Variants in NPSR1 observed in about 807,000 individuals in gnomAD.
The protein encoded by NPSR1 is neuropeptide S receptor 1, also known as neuropeptide S receptor.
In NPSR1, 48 loss-of-function variants were observed where a neutral mutation model predicts 46.9. The observed-to-expected ratio is 1.02, with a 90% confidence interval of 0.81 to 1.30. The LOEUF (loss-of-function observed/expected upper bound fraction) is 1.30, where lower values mean the gene tolerates loss of function less well. NPSR1 is among the 50% of genes most tolerant of loss of function. The pLI is 0.00. For missense variants in NPSR1, 450 were observed against 449.5 expected (o/e 1.00, Z -0.01); for synonymous variants, 176 against 168.1 (o/e 1.05, Z -0.36).
At chr7:34,662,184 T>A (rs1005605027) in intron 1 of NPSR1, among the ~76,000 whole-genome samples, 1 of 152,190 alleles carries the variant, frequency 6.6e-6, no homozygotes, top group Non-Finnish European at 1.5e-5. Flanking sequence ...AAATATCACC[T>A]AATAACAATC....
At chr7:34,790,829 ATG>A (rs2128742863) in intron 3 of NPSR1, among the ~76,000 whole-genome samples, 1 of 134,032 alleles carries the variant, frequency 7.5e-6, no homozygotes, top group East Asian at 2.1e-4. Flanking sequence ...TATAGGTTAT[ATG>A]TTATGTTATA....
chr7:34,848,728 G>GAGAAACCCACATGT, intron 8 of NPSR1, 65 bp downstream of exon 8: 1 of 1,449,222 alleles, frequency 6.9e-7, no homozygotes, highest in Non-Finnish European at 9.5e-7. Flanking sequence ...CTGCCAACAT[G>GAGAAACCCACATGT]TGGGTTTCTC....
chr7:34,693,621 A>AAT (rs1191447363), intron 2 of NPSR1, among the ~76,000 whole-genome samples: 4 of 152,186 alleles, frequency 2.6e-5, no homozygotes, highest in African/African-American at 9.6e-5. Context: ...AATGTGAAGC[A>AAT]ATTCCTAACT....
intron 1 of NPSR1, among the ~76,000 whole-genome samples, chr7:34,662,920 T>A (rs1791528054): frequency 6.6e-6 from 1 of 152,182 alleles, no homozygotes; most frequent in African/African-American, 2.4e-5. Context: ...GCAGGAAGCA[T>A]AATCTTAGCT....
At chr7:34,663,461 TC>T (rs1791576543) in intron 1 of NPSR1, among the ~76,000 whole-genome samples, 2 of 152,146 alleles carry the variant, frequency 1.3e-5, no homozygotes, top group Admixed American at 1.3e-4. Flanking sequence ...CTATACAACT[TC>T]CACCTCATGA....
intron 1 of NPSR1, among the ~76,000 whole-genome samples, chr7:34,662,478 G>A (rs2530557): frequency 0.1 from 15,726 of 152,144 alleles, 906 homozygotes; most frequent in African/African-American, 0.15. Context: ...CAGTGTCAGG[G>A]ATGTCCTTCC....
intron 2 of NPSR1, among the ~76,000 whole-genome samples, chr7:34,763,627 AG>A (rs1786286250): frequency 6.6e-6 from 1 of 152,196 alleles, no homozygotes; most frequent in Non-Finnish European, 1.5e-5. Context: ...GGTGTTATAA[AG>A]GAGGTAACCT....
chr7:34,725,721 T>A (rs2128710581), intron 2 of NPSR1, among the ~76,000 whole-genome samples: 1 of 152,284 alleles, frequency 6.6e-6, no homozygotes, highest in East Asian at 1.9e-4. Flanking sequence ...AGCCACAGGC[T>A]GGGAGAAAAT....
chr7:34,874,033 A>G (rs1437278898), intron 8 of NPSR1, among the ~76,000 whole-genome samples: 1 of 151,704 alleles, frequency 6.6e-6, no homozygotes, highest in Non-Finnish European at 1.5e-5. Context: ...AATGATACAC[A>G]GTCTTCTCTT....
At chr7:34,827,650 G>GGGGGGGGGGGGGGGC in intron 5 of NPSR1, 48 bp downstream of exon 5, 1 of 612,072 alleles carries the variant, frequency 1.6e-6, no homozygotes, top group Non-Finnish European at 2.9e-6. Context: ...GGGCGGGGGG[G>GGGGGGGGGGGGGGGC]GCTTTCCTGT....
At chr7:34,691,065 G>A (rs1391189521) in intron 2 of NPSR1, among the ~76,000 whole-genome samples, 1 of 152,160 alleles carries the variant, frequency 6.6e-6, no homozygotes, top group Non-Finnish European at 1.5e-5. Context: ...GAGATCAGGG[G>A]CCTATTTTTA....
intron 3 of NPSR1, chr7:34,779,648 G>A (rs1298036629): frequency 1.8e-6 from 2 of 1,107,422 alleles, no homozygotes; most frequent in East Asian, 6.7e-5. Context: ...GTCTGAAAGA[G>A]CCTTTTCTAT....
intron 4 of NPSR1, among the ~76,000 whole-genome samples, chr7:34,822,380 A>G (rs1300008085): frequency 2.6e-5 from 4 of 152,172 alleles, no homozygotes; most frequent in African/African-American, 4.8e-5. Context: ...GTAGCTGTGC[A>G]GGCACAAGGC....
intron 3 of NPSR1, among the ~76,000 whole-genome samples, chr7:34,790,734 T>C (rs1787717756): frequency 8.5e-6 from 1 of 117,482 alleles, no homozygotes; most frequent in Non-Finnish European, 1.7e-5. Context: ...TTATATGTTA[T>C]ATGTTATATA....
chr7:34,816,215 G>C lies in NPSR1; in HGVS notation c.478+4352G>C, dbSNP rs1789247760. On this transcript the variant is annotated intron_variant, in intron 4 of 8. Transcript: ENST00000360581. Reference sequence around the variant, plus strand: ...CACATAGGCTCAAAATAAAGGGATGGAGGAAGATCTACCAAGAAAATGGAA... The same window carrying C: ...CACATAGGCTCAAAATAAAGGGATGCAGGAAGATCTACCAAGAAAATGGAA... Among the ~76,000 whole-genome samples, 3 of 135,586 alleles carry C rather than the reference G, an allele frequency of 2.2e-5. No individual in the cohort carries two copies. The Admixed American group carries it at 2.3e-4, about 11-fold the overall frequency. 88.9% of individuals were successfully genotyped at this position (135,586 alleles called of 152,430 possible).
chr7:34,818,421 A>C (rs1244606518), intron 4 of NPSR1, among the ~76,000 whole-genome samples: 1 of 152,184 alleles, frequency 6.6e-6, no homozygotes, highest in Non-Finnish European at 1.5e-5. Flanking sequence ...ATAAAAGAGG[A>C]CACAAACAAA....
intron 2 of NPSR1, among the ~76,000 whole-genome samples, chr7:34,772,734 G>C (rs1786745049): frequency 6.6e-6 from 1 of 152,140 alleles, no homozygotes; most frequent in East Asian, 1.9e-4. Context: ...GCCTGCTGAA[G>C]ATGCTTAACA....
intron 2 of NPSR1, among the ~76,000 whole-genome samples, chr7:34,775,187 G>C (rs1786895529): frequency 6.6e-6 from 1 of 152,204 alleles, no homozygotes; most frequent in Admixed American, 6.5e-5. Context: ...AGAATGTTCA[G>C]ATGGTCCATG....
intron 3 of NPSR1, among the ~76,000 whole-genome samples, chr7:34,790,994 G>GTTATGTTATATGTTATA: frequency 1.1e-5 from 1 of 94,612 alleles, no homozygotes; most frequent in Non-Finnish European, 1.9e-5. Flanking sequence ...TATTATATAT[G>GTTATGTTATATGTTATA]TTATATGTTA....
Sources: gnomAD v4.1 joint callset for allele counts (sites outside exome capture counted in the v4.1 genomes callset) on GRCh38, gnomAD v4.1.1 for gene constraint, MANE v1.5 for transcripts, NCBI Gene and HGNC (gene_info 2026-07-23, HGNC 2026-07-21) for gene names.